Variants in MDGA2 observed in about 807,000 individuals in gnomAD.
MDGA2 encodes the protein MAM domain-containing glycosylphosphatidylinositol anchor protein 2.
In MDGA2, 40 loss-of-function variants were observed where a neutral mutation model predicts 117.8. The observed-to-expected ratio is 0.34, with a 90% confidence interval of 0.26 to 0.44. The LOEUF (loss-of-function observed/expected upper bound fraction) is 0.44, where lower values mean the gene tolerates loss of function less well. Ranked by LOEUF, MDGA2 falls within the 20% of genes least tolerant of loss-of-function variation. The pLI, the probability that MDGA2 is intolerant of heterozygous loss-of-function variation, is 1.00. For synonymous variants in MDGA2, 452 were observed against 439.0 expected, an observed-to-expected ratio of 1.03 and a Z score of -0.37; for missense variants, 1,123 against 1,250.6, an observed-to-expected ratio of 0.90 and a Z score of 1.54.
intron 8 of MDGA2, among the ~76,000 whole-genome samples, chr14:46,958,436 C>T (rs949354140): frequency 6.6e-6 from 1 of 152,058 alleles, no homozygotes; most frequent in Non-Finnish European, 1.5e-5. Context: ...AGGAGGTCTT[C>T]TAAAATTTTT....
chr14:47,018,905 A>G (rs150519189), intron 8 of MDGA2, among the ~76,000 whole-genome samples: 2,178 of 152,230 alleles, frequency 0.014, 23 homozygotes, highest in South Asian at 0.031. Flanking sequence ...AAACATAATT[A>G]GCGTACACCG....
At chr14:47,092,146 T>C (rs1447013881) in intron 6 of MDGA2, among the ~76,000 whole-genome samples, 1 of 152,144 alleles carries the variant, frequency 6.6e-6, no homozygotes, top group Non-Finnish European at 1.5e-5. Flanking sequence ...CCAGGAGTGA[T>C]ACATCGATGA....
At chr14:47,178,273 A>G (rs1884557731) in intron 3 of MDGA2, among the ~76,000 whole-genome samples, 1 of 152,212 alleles carries the variant, frequency 6.6e-6, no homozygotes, top group African/African-American at 2.4e-5. Context: ...TTAAACTCCC[A>G]GGACTTTTCT....
At chr14:47,007,632 T>C (rs564194056) in intron 8 of MDGA2, among the ~76,000 whole-genome samples, 7 of 151,932 alleles carry the variant, frequency 4.6e-5, no homozygotes, top group African/African-American at 1.4e-4. Flanking sequence ...AATGTAACAA[T>C]GATTAGAGAA....
At chr14:47,161,602 G>C (rs1883636475) in intron 3 of MDGA2, among the ~76,000 whole-genome samples, 1 of 151,522 alleles carries the variant, frequency 6.6e-6, no homozygotes, top group African/African-American at 2.4e-5. Flanking sequence ...CCCAAGAAGA[G>C]GTAATTTTTT....
rs1011014533 is a variant in MDGA2 at position 47,199,401 on chromosome 14, T to C, written c.595+18620A>G. Among the ~76,000 whole-genome samples the C allele has an allele frequency of 4.6e-5, 7 of 152,176 alleles. No individual in the cohort carries two copies. In the East Asian group the frequency reaches 1.2e-3, roughly 25 times the overall value. On this transcript the variant is annotated intron_variant, in intron 3 of 16. Coordinates refer to ENST00000399232, the MANE Select transcript of MDGA2 (RefSeq NM_001113498.3). ...GACAAAGTAAGCATCTCTGAAAGAA[T>C]AATAAAATTAGCTTTTAAAATATTC...
chr14:47,087,621 C>A (rs1226456374), intron 6 of MDGA2, among the ~76,000 whole-genome samples: 1 of 151,876 alleles, frequency 6.6e-6, no homozygotes, highest in Non-Finnish European at 1.5e-5. Flanking sequence ...AAAACCAGAA[C>A]CAGATCACAG....
chr14:47,647,557 T>C (rs1225890885), intron 1 of MDGA2, among the ~76,000 whole-genome samples: 2 of 152,162 alleles, frequency 1.3e-5, no homozygotes, highest in African/African-American at 4.8e-5. Context: ...CATAACCTTT[T>C]ATAAACACTG....
intron 1 of MDGA2, among the ~76,000 whole-genome samples, chr14:47,392,190 T>C (rs1418749335): frequency 6.6e-6 from 1 of 152,018 alleles, no homozygotes; most frequent in African/African-American, 2.4e-5. Flanking sequence ...AATAACATCG[T>C]TTAAGGTGAG....
At chr14:47,018,095 T>C (rs1888147100) in intron 8 of MDGA2, among the ~76,000 whole-genome samples, 3 of 152,064 alleles carry the variant, frequency 2.0e-5, no homozygotes, top group Non-Finnish European at 2.9e-5. Flanking sequence ...AAAGTCCAAA[T>C]TGACCCTATG....
At chr14:47,605,919 T>A (rs1027803848) in intron 1 of MDGA2, among the ~76,000 whole-genome samples, 4 of 152,112 alleles carry the variant, frequency 2.6e-5, no homozygotes, top group Non-Finnish European at 5.9e-5. Flanking sequence ...ATATGCTCAG[T>A]CCACACAAAG....
chr14:46,940,482 GC>G (rs1595058463), intron 9 of MDGA2, among the ~76,000 whole-genome samples: 1 of 151,876 alleles, frequency 6.6e-6, no homozygotes, highest in Admixed American at 6.6e-5. Flanking sequence ...ATAAAAACTG[GC>G]CAGGCATGAT....
At chr14:47,046,088 G>T (rs1273727400) in intron 7 of MDGA2, among the ~76,000 whole-genome samples, 1 of 151,452 alleles carries the variant, frequency 6.6e-6, no homozygotes, top group African/African-American at 2.4e-5. Context: ...CACCAACATG[G>T]CACATGTATA....
intron 9 of MDGA2, among the ~76,000 whole-genome samples, chr14:46,950,026 AAT>A (rs1298206432): frequency 6.6e-6 from 1 of 151,952 alleles, no homozygotes; most frequent in Non-Finnish European, 1.5e-5. Flanking sequence ...CTGCTGTAAA[AAT>A]AATGAAAATT....
chr14:46,966,311 T>C (rs1886029405), intron 8 of MDGA2, among the ~76,000 whole-genome samples: 1 of 152,172 alleles, frequency 6.6e-6, no homozygotes, highest in Non-Finnish European at 1.5e-5. Flanking sequence ...AAACAGCCTA[T>C]GTCACATTAT....
chr14:47,234,591 C>T (rs867390006), intron 2 of MDGA2, among the ~76,000 whole-genome samples: 100 of 152,082 alleles, frequency 6.6e-4, no homozygotes, highest in African/African-American at 2.1e-3. Flanking sequence ...AGATACAACA[C>T]CAAGAGGAAA....
At chr14:47,422,371 T>G (rs2138509472) in intron 1 of MDGA2, among the ~76,000 whole-genome samples, 1 of 152,020 alleles carries the variant, frequency 6.6e-6, no homozygotes, top group South Asian at 2.1e-4. Context: ...CAAAGAGGAG[T>G]GGCAGACCTC....
chr14:47,607,030 A>C (rs996801506), intron 1 of MDGA2, among the ~76,000 whole-genome samples: 2 of 152,168 alleles, frequency 1.3e-5, no homozygotes, highest in Non-Finnish European at 2.9e-5. Flanking sequence ...TAATTTTAAA[A>C]AATTTGCACT....
intron 8 of MDGA2, among the ~76,000 whole-genome samples, chr14:46,994,012 A>T (rs952279906): frequency 6.6e-6 from 1 of 152,078 alleles, no homozygotes; most frequent in Non-Finnish European, 1.5e-5. Context: ...TTTAGGGAGG[A>T]GGCTTTGGGT....
Sources: allele counts gnomAD v4.1 joint callset (sites outside exome capture counted in the v4.1 genomes callset), GRCh38; gene constraint gnomAD v4.1.1; transcripts MANE v1.5; gene names NCBI Gene and HGNC (gene_info 2026-07-23, HGNC 2026-07-21).